Variants in LAPTM5 observed in about 807,000 individuals in gnomAD.
The protein encoded by LAPTM5 is lysosomal protein transmembrane 5, also known as lysosomal-associated transmembrane protein 5.
LAPTM5 carries 11 observed loss-of-function variants against 30.1 expected under a neutral mutation model. The ratio of observed to expected loss-of-function variants is 0.37; its 90% CI spans 0.23 to 0.60. LAPTM5 has a LOEUF of 0.60. LAPTM5 is among the 20% of genes least tolerant of loss of function. LAPTM5 has a pLI of 0.71. For synonymous variants in LAPTM5, 151 were observed against 137.9 expected, an observed-to-expected ratio of 1.10 and a Z score of -0.67; for missense variants, 324 against 332.5, an observed-to-expected ratio of 0.97 and a Z score of 0.20.
intron 7 of LAPTM5, 105 bp from the exon 8 acceptor site, chr1:30,734,022 A>T (rs1350892614): frequency 8.2e-7 from 1 of 1,220,416 alleles, no homozygotes; most frequent in Non-Finnish European, 1.2e-6. Flanking sequence ...AATGATGATG[A>T]TAATGACTGG....
intron 1 of LAPTM5, among the ~76,000 whole-genome samples, chr1:30,756,777 A>G (rs1640216889): frequency 6.6e-6 from 1 of 152,088 alleles, no homozygotes; most frequent in Non-Finnish European, 1.5e-5. Flanking sequence ...TCATGAGAAA[A>G]CTGTTAACCA....
chr1:30,733,992 C>T lies in LAPTM5; in HGVS notation c.700-75G>A. The T allele has an allele frequency of 2.0e-6, 3 of 1,480,626 alleles. No homozygotes were observed. In the South Asian group the frequency reaches 3.7e-5, roughly 18 times the overall value. 91.7% of individuals were successfully genotyped at this position (1,480,626 alleles called of 1,614,324 possible). On this transcript the variant is annotated intron_variant, in intron 7 of 7. Coordinates refer to ENST00000294507, the MANE Select transcript of LAPTM5 (RefSeq NM_006762.3). Reference sequence around the variant, plus strand: ...AATTCCAACCTGGGGTCATGGGACCCAAACCCCCACCTCTGGCAAAATGAT... The same window carrying T: ...AATTCCAACCTGGGGTCATGGGACCTAAACCCCCACCTCTGGCAAAATGAT...
intron 2 of LAPTM5, 32 bp downstream of exon 2, chr1:30,742,424 C>T (rs765174104): frequency 6.5e-7 from 1 of 1,534,092 alleles, no homozygotes. Context: ...TCCTCCTCCC[C>T]CCGCCACTCC....
chr1:30,738,850 G>A, intron 5 of LAPTM5, 90 bp downstream of exon 5: 1 of 1,402,776 alleles, frequency 7.1e-7, no homozygotes, highest in Non-Finnish European at 9.7e-7. Context: ...CAGGGAACCT[G>A]GCCTAAACCA....
chr1:30,749,681 GC>G (rs915163342), intron 1 of LAPTM5, among the ~76,000 whole-genome samples: 1 of 152,166 alleles, frequency 6.6e-6, no homozygotes, highest in Non-Finnish European at 1.5e-5. Flanking sequence ...AGGGGTCAGG[GC>G]GGGCTTCTCA....
At chr1:30,734,274 C>G (rs1007154485) in intron 7 of LAPTM5, among the ~76,000 whole-genome samples, 1 of 152,200 alleles carries the variant, frequency 6.6e-6, no homozygotes, top group Admixed American at 6.5e-5. Flanking sequence ...TTCCATCCCC[C>G]TGGCTATAGT....
chr1:30,743,600 A>G (rs1640001462), intron 1 of LAPTM5, among the ~76,000 whole-genome samples: 2 of 152,132 alleles, frequency 1.3e-5, no homozygotes, highest in Admixed American at 1.3e-4. Context: ...TATGACATAC[A>G]TACAGTTCTC....
At chr1:30,740,371 T>C (rs1254866367) in intron 3 of LAPTM5, among the ~76,000 whole-genome samples, 1 of 150,952 alleles carries the variant, frequency 6.6e-6, no homozygotes, top group Non-Finnish European at 1.5e-5. Flanking sequence ...CCAACATGAG[T>C]GAAGGCCCGG....
At position 30,733,348 on chromosome 1, in the gene LAPTM5, A is replaced by T. The variant is rs1212051283; in HGVS notation, c.*480T>A. ...TTGAAGAAATTGATTACATATATTT[A>T]TATATAGGGGGTAACTAATTAATGA... is the stretch of plus-strand genomic sequence containing the variant. On this transcript the variant is annotated 3_prime_UTR_variant, in exon 8 of 8. Coordinates refer to ENST00000294507, the MANE Select transcript of LAPTM5 (RefSeq NM_006762.3). 2 of 304,050 alleles carry T rather than the reference A, an allele frequency of 6.6e-6. No individual in the cohort carries two copies. The highest frequency in any genetic ancestry group is 1.2e-5 in the Non-Finnish European group (2 of 163,234). 18.8% of individuals were successfully genotyped at this position (304,050 alleles called of 1,614,324 possible).
chr1:30,750,105 A>G (rs1447529326), intron 1 of LAPTM5, among the ~76,000 whole-genome samples: 1 of 152,190 alleles, frequency 6.6e-6, no homozygotes, highest in African/African-American at 2.4e-5. Context: ...GGCAAACAGT[A>G]CCAGTGAATC....
chr1:30,747,180 TAGG>T (rs1340828735), intron 1 of LAPTM5, among the ~76,000 whole-genome samples: 1 of 152,048 alleles, frequency 6.6e-6, no homozygotes, highest in South Asian at 2.1e-4. Flanking sequence ...GAGGGGCAAG[TAGG>T]AGTTTTCCAA....
At chr1:30,734,076 G>A (rs1639853928) in intron 7 of LAPTM5, among the ~76,000 whole-genome samples, 159 bp from the exon 8 acceptor site, 1 of 152,228 alleles carries the variant, frequency 6.6e-6, no homozygotes, top group African/African-American at 2.4e-5. Flanking sequence ...GCCTGCATGA[G>A]ATAGGTGCAG....
In LAPTM5 at chr1:30,742,453, T is replaced by C; in HGVS notation, c.181+3A>G. 1 of 1,610,686 alleles carries C rather than the reference T, an allele frequency of 6.2e-7. No homozygotes were observed. The highest frequency in any genetic ancestry group is 2.2e-5 in the East Asian group (1 of 44,834). ...CCACTCCACCGGCGTCCCCTGGACC[T>C]ACCGATCCTGAGGTAGCCCATCTGG... On this transcript the variant is annotated splice_donor_region_variant and intron_variant, in intron 2 of 7. Transcript: ENST00000294507.
rs1639942802 is a variant in LAPTM5, at chr1:30,739,838, A to T, written c.358T>A (p.Tyr120Asn). Reference sequence around the variant, plus strand: ...CGGCTCCGGGAGGCCAACTTGAGGTAGGCGGGCAGCTCAATGTAGGAGCCC... The same window carrying T: ...CGGCTCCGGGAGGCCAACTTGAGGTTGGCGGGCAGCTCAATGTAGGAGCCC... Reference protein sequence around the residue: ...LLGSYIELPAYLKLASRSRAS... With the variant: ...LLGSYIELPANLKLASRSRAS... The change falls in exon 4 of 8, where the codon TAC becomes AAC. Residue 120 changes from tyrosine to asparagine, a missense_variant. Transcript: ENST00000294507. The surrounding 1 kb of genome is among the most constrained non-coding windows in gnomAD (Gnocchi z 4.2). 1 of 1,605,870 alleles carries T rather than the reference A, an allele frequency of 6.2e-7. No individual in the cohort carries two copies. The highest frequency in any genetic ancestry group is 1.3e-5 in the African/African-American group (1 of 74,624).
At chr1:30,740,015 C>T in intron 3 of LAPTM5, 78 bp from the exon 4 acceptor site, 2 of 1,446,266 alleles carry the variant, frequency 1.4e-6, no homozygotes, top group African/African-American at 1.4e-5. Flanking sequence ...TATCCTCATG[C>T]ATCCCCTTCC....
At chr1:30,752,795 A>G (rs1415070737) in intron 1 of LAPTM5, among the ~76,000 whole-genome samples, 4 of 151,866 alleles carry the variant, frequency 2.6e-5, no homozygotes, top group Non-Finnish European at 5.9e-5. Context: ...TCCTTCTTCA[A>G]ATACTATGAT....
Position 30,733,376 on chromosome 1 carries a change from A to T in LAPTM5, c.*452T>A. 2.5e-6 allele frequency: 1 copy of T among 400,698 alleles called. No homozygotes were observed. Among genetic ancestry groups the T allele is most frequent in the Non-Finnish European group, 4.2e-6 (1 of 239,224 alleles). The allele number at this position is 400,698 out of a possible 1,614,324, so 24.8% of individuals were successfully genotyped here. On this transcript the variant is annotated 3_prime_UTR_variant, in exon 8 of 8. Coordinates refer to ENST00000294507, the MANE Select transcript of LAPTM5 (RefSeq NM_006762.3). ...TATAGGGGGTAACTAATTAATGATT[A>T]CTTGATTAAATTGCTATGTGAACTG...
intron 1 of LAPTM5, among the ~76,000 whole-genome samples, chr1:30,754,187 A>T (rs1257214882): frequency 6.6e-6 from 1 of 152,122 alleles, no homozygotes; most frequent in Non-Finnish European, 1.5e-5. Context: ...CCATCGACTT[A>T]GAACGTGCTT....
At chr1:30,756,473 A>G (rs550758139) in intron 1 of LAPTM5, among the ~76,000 whole-genome samples, 1 of 152,374 alleles carries the variant, frequency 6.6e-6, no homozygotes, top group South Asian at 2.1e-4. Context: ...TCAGATGGGT[A>G]TGATAATTCA....
Sources: allele counts gnomAD v4.1 joint callset (sites outside exome capture counted in the v4.1 genomes callset), GRCh38; gene constraint gnomAD v4.1.1; non-coding constraint Gnocchi (gnomAD v3.1); transcripts MANE v1.5; gene names NCBI Gene and HGNC (gene_info 2026-07-23, HGNC 2026-07-21).